TEKTL1: variants seen among roughly 807,000 people sequenced by gnomAD.
TEKTL1 encodes tektin-like protein 1.
chr19:15,013,890 T>TGAA, the TEKTL1 span: 2 of 649,022 alleles, frequency 3.1e-6, no homozygotes, highest in South Asian at 1.9e-5. Flanking sequence ...CAAGCCACAC[T>TGAA]GACCAGATAT....
At chr19:15,021,397 T>C in the TEKTL1 span, 55 of 1,614,138 alleles carry the variant, frequency 3.4e-5, no homozygotes, top group Non-Finnish European at 4.5e-5. Context: ...GTTGGTCGAG[T>C]CCAAGGACAC....
chr19:15,017,650 G>C, the TEKTL1 span, among the ~76,000 whole-genome samples: 1 of 152,096 alleles, frequency 6.6e-6, no homozygotes, highest in Non-Finnish European at 1.5e-5. Flanking sequence ...CAAGATGTGG[G>C]TATAGTGAGT....
the TEKTL1 span, chr19:15,010,987 G>A: frequency 6.3e-7 from 1 of 1,592,236 alleles, no homozygotes; most frequent in Non-Finnish European, 8.5e-7. Flanking sequence ...ACAGCGTGCT[G>A]GACCCGAACG....
the TEKTL1 span, among the ~76,000 whole-genome samples, chr19:15,019,811 G>A: frequency 1.3e-5 from 2 of 151,788 alleles, no homozygotes; most frequent in South Asian, 4.2e-4. Context: ...AACATAGTGA[G>A]ACCCTGTCTT....
At chr19:15,017,894 C>A in the TEKTL1 span, among the ~76,000 whole-genome samples, 86 of 152,222 alleles carry the variant, frequency 5.6e-4, no homozygotes, top group Admixed American at 2.2e-3. Context: ...CCCAAGAACA[C>A]AAACAAGAGC....
chr19:15,012,935 C>G, the TEKTL1 span, among the ~76,000 whole-genome samples: 1 of 150,306 alleles, frequency 6.7e-6, no homozygotes, highest in Non-Finnish European at 1.5e-5. Flanking sequence ...AACTCCCCCC[C>G]AGAATGTTAA....
At chr19:15,022,999 G>C in the TEKTL1 span, 1 of 1,613,012 alleles carries the variant, frequency 6.2e-7, no homozygotes, top group South Asian at 1.1e-5. Flanking sequence ...ACGGCAACGT[G>C]GTGCGCCTGC....
the TEKTL1 span, chr19:15,011,384 A>C: frequency 6.3e-6 from 9 of 1,433,554 alleles, no homozygotes; most frequent in African/African-American, 1.5e-5. Flanking sequence ...CTACAGGCCC[A>C]AGTCTGAGAA....
At chr19:15,012,164 G>A in the TEKTL1 span, among the ~76,000 whole-genome samples, 1 of 152,050 alleles carries the variant, frequency 6.6e-6, no homozygotes, top group African/African-American at 2.4e-5. Context: ...GGAGGCTGAG[G>A]CAGGAGGATT....
the TEKTL1 span, among the ~76,000 whole-genome samples, chr19:15,013,208 C>A: frequency 1.3e-5 from 2 of 152,136 alleles, no homozygotes; most frequent in Non-Finnish European, 2.9e-5. Flanking sequence ...GAGACCCCAC[C>A]CACAGAATGG....
the TEKTL1 span, chr19:15,011,404 C>T: frequency 7.1e-7 from 1 of 1,415,352 alleles, no homozygotes; most frequent in Non-Finnish European, 9.2e-7. Flanking sequence ...AGGTGGGACC[C>T]TCCCCCACGC....
At chr19:15,013,199 A>T in the TEKTL1 span, among the ~76,000 whole-genome samples, 6 of 152,156 alleles carry the variant, frequency 3.9e-5, no homozygotes, top group Non-Finnish European at 7.3e-5. Flanking sequence ...GGGAGAGATG[A>T]GACCCCACCC....
At chr19:15,019,513 ATTTTT>A in the TEKTL1 span, among the ~76,000 whole-genome samples, 1 of 152,222 alleles carries the variant, frequency 6.6e-6, no homozygotes, top group South Asian at 2.1e-4. Context: ...TACAATTATT[ATTTTT>A]CAATTAAAAA....
chr19:15,011,974 A>C, the TEKTL1 span, among the ~76,000 whole-genome samples: 1 of 151,900 alleles, frequency 6.6e-6, no homozygotes, highest in African/African-American at 2.4e-5. Flanking sequence ...TTAAAAAGTT[A>C]GCTGGGTGTG....
the TEKTL1 span, among the ~76,000 whole-genome samples, chr19:15,015,529 A>ATTCCACCC: frequency 0.17 from 25,648 of 151,772 alleles, 2,174 homozygotes; most frequent in African/African-American, 0.18. Context: ...CAATCCTATA[A>ATTCCACCC]TTCCACCCTT....
chr19:15,021,782 C>A, the TEKTL1 span: 14 of 1,611,990 alleles, frequency 8.7e-6, no homozygotes, highest in East Asian at 3.1e-4. Context: ...GGTTTCAATG[C>A]GCTTGCACAC....
the TEKTL1 span, chr19:15,011,166 A>C: frequency 6.6e-7 from 1 of 1,506,994 alleles, no homozygotes; most frequent in South Asian, 1.3e-5. Context: ...CTACCCTTGC[A>C]CCGCAAAGCG....
the TEKTL1 span, chr19:15,020,669 C>T: frequency 6.2e-7 from 1 of 1,609,178 alleles, no homozygotes. Context: ...GGTAGGAGTC[C>T]ACTGTACTGG....
At chr19:15,011,015 C>A in the TEKTL1 span, 13 of 1,584,368 alleles carry the variant, frequency 8.2e-6, no homozygotes, top group Non-Finnish European at 1.1e-5. Context: ...CCACCTCGGC[C>A]GCGCCGCCTA....
Sources: allele counts gnomAD v4.1 joint callset (sites outside exome capture counted in the v4.1 genomes callset), GRCh38; gene constraint gnomAD v4.1.1; transcripts MANE v1.5; gene names NCBI Gene and HGNC (gene_info 2026-07-23, HGNC 2026-07-21).